Variants in ACAP2 observed in about 807,000 individuals in gnomAD.
ACAP2 encodes ArfGAP with coiled-coil, ankyrin repeat and PH domains 2.
ACAP2 carries 39 observed loss-of-function variants against 115.8 expected under a neutral mutation model. The ratio of observed to expected loss-of-function variants is 0.34; its 90% CI spans 0.26 to 0.44. The LOEUF (loss-of-function observed/expected upper bound fraction) is 0.44. ACAP2 is among the 20% of genes least tolerant of loss of function. The probability of loss-of-function intolerance (pLI) is 1.00; values close to 1 mark genes in which losing one functional copy is unlikely to be tolerated. For missense variants in ACAP2, 662 were observed against 927.6 expected, an observed-to-expected ratio of 0.71 and a Z score of 3.72; for synonymous variants, 289 against 315.8, an observed-to-expected ratio of 0.92 and a Z score of 0.90.
At chr3:195,378,790 G>A (rs1228320589) in intron 4 of ACAP2, among the ~76,000 whole-genome samples, 1 of 151,502 alleles carries the variant, frequency 6.6e-6, no homozygotes, top group African/African-American at 2.4e-5. Flanking sequence ...GAACCCGGGA[G>A]GCGGAGGCTG....
rs1299256120 is a variant in ACAP2 at position 195,300,023 on chromosome 3, CTTTCTTT to C, written c.1395+1545_1395+1551del. 2.1e-5 allele frequency among the ~76,000 whole-genome samples: 3 copies of C among 140,248 alleles called. No individual in the cohort carries two copies. The East Asian group carries it at 6.2e-4, about 29-fold the overall frequency. The allele number at this position is 140,248 out of a possible 152,430, so 92.0% of individuals were successfully genotyped here. ...ATGGGAATTAGTATCTACTTTCCGT[CTTTCTTT>C]TTTCTTTTTTTTTCTTTTTTTTTTT... On this transcript the variant is annotated intron_variant, in intron 15 of 22. Transcript: ENST00000326793.
At chr3:195,435,534 A>G (rs891477451) in intron 1 of ACAP2, among the ~76,000 whole-genome samples, 1 of 151,928 alleles carries the variant, frequency 6.6e-6, no homozygotes, top group African/African-American at 2.4e-5. Flanking sequence ...GCTGCATCCC[A>G]TAAGTTTGGC....
At chr3:195,311,058 C>G (rs937271617) in intron 10 of ACAP2, among the ~76,000 whole-genome samples, 2 of 149,760 alleles carry the variant, frequency 1.3e-5, no homozygotes, top group Non-Finnish European at 3.0e-5. Flanking sequence ...TAGAATAATC[C>G]TAGTTGTTAT....
At chr3:195,286,298 G>A (rs1172001272) in intron 21 of ACAP2, among the ~76,000 whole-genome samples, 1 of 152,138 alleles carries the variant, frequency 6.6e-6, no homozygotes, top group Non-Finnish European at 1.5e-5. Context: ...AGCATGTGTG[G>A]CCTCTAAACA....
Position 195,354,735 on chromosome 3 carries a change from C to T in ACAP2, c.286-9418G>A, listed in dbSNP as rs534635338. ...TTGCTCTTAGCAACTTCATCGTGAA[C>T]TCTTGGCCCATACATATATCCTGGA... On this transcript the variant is annotated intron_variant, in intron 4 of 22. Transcript: ENST00000326793. Among the ~76,000 whole-genome samples the T allele has an allele frequency of 2.6e-5, 4 of 152,308 alleles. No individual in the cohort carries two copies. The South Asian group carries it at 8.3e-4, about 32-fold the overall frequency.
intron 4 of ACAP2, among the ~76,000 whole-genome samples, chr3:195,378,068 GAGGGAGGAAGGGAGGA>G (rs1331250367): frequency 6.8e-6 from 1 of 146,230 alleles, no homozygotes; most frequent in African/African-American, 2.6e-5. Context: ...GGGAGGGAGG[GAGGGAGGAAGGGAGGA>G]AGGGAGGAGG....
chr3:195,422,547 G>A (rs1463649343), intron 1 of ACAP2, among the ~76,000 whole-genome samples: 3 of 151,936 alleles, frequency 2.0e-5, no homozygotes, highest in Non-Finnish European at 2.9e-5. Context: ...AGTGTGCGTC[G>A]ATCATAGCTC....
At chr3:195,304,704 T>C (rs1212678064) in intron 13 of ACAP2, among the ~76,000 whole-genome samples, 1 of 152,190 alleles carries the variant, frequency 6.6e-6, no homozygotes, top group Non-Finnish European at 1.5e-5. Flanking sequence ...CAATCCCTCA[T>C]AGCTATGCAG....
At chr3:195,334,185 C>T (rs1730354364) in intron 7 of ACAP2, among the ~76,000 whole-genome samples, 1 of 150,218 alleles carries the variant, frequency 6.7e-6, no homozygotes, top group East Asian at 1.9e-4. Context: ...GTCATAAAGT[C>T]CTTAATACTC....
intron 1 of ACAP2, chr3:195,411,082 CT>C: frequency 3.8e-6 from 1 of 260,096 alleles, no homozygotes; most frequent in Non-Finnish European, 7.8e-6. Flanking sequence ...CAGGAACAGA[CT>C]AAGAAGCCAT....
chr3:195,386,940 A>C (rs1183902900), intron 2 of ACAP2, among the ~76,000 whole-genome samples: 3 of 152,218 alleles, frequency 2.0e-5, no homozygotes, highest in Non-Finnish European at 4.4e-5. Flanking sequence ...TCAGCATTCC[A>C]GATTTCAAAG....
In ACAP2 at chr3:195,404,193, A is replaced by G. The variant is rs370694771; in HGVS notation, c.54-12046T>C. Among the ~76,000 whole-genome samples the G allele has an allele frequency of 3.0e-4, 46 of 152,262 alleles. 1 individual carries two copies. In the South Asian group the frequency reaches 9.1e-3, roughly 30 times the overall value. On this transcript the variant is annotated intron_variant, in intron 1 of 22. Coordinates refer to ENST00000326793, the MANE Select transcript of ACAP2 (RefSeq NM_012287.6). ...CACACATAAAATAAGAAGAAAACCA[A>G]GAGGGTGTCATAGAGAAGGGAAGTG...
At chr3:195,328,876 G>A (rs1388579673) in intron 8 of ACAP2, among the ~76,000 whole-genome samples, 4 of 152,162 alleles carry the variant, frequency 2.6e-5, no homozygotes, top group South Asian at 4.1e-4. Flanking sequence ...TCAGTAGATC[G>A]AGACCATCCT....
At chr3:195,405,722 T>C (rs1712714435) in intron 1 of ACAP2, among the ~76,000 whole-genome samples, 1 of 151,390 alleles carries the variant, frequency 6.6e-6, no homozygotes, top group Non-Finnish European at 1.5e-5. Context: ...GGGTAATTTA[T>C]AAAGAAAAGA....
chr3:195,405,702 A>G lies in ACAP2; in HGVS notation c.54-13555T>C, dbSNP rs1014456561. ...CTCCATCTCAAAAAAAAAAAAAAGT[A>G]TCTGAGACTGGGTAATTTATAAAGA... On this transcript the variant is annotated intron_variant, in intron 1 of 22. Transcript: ENST00000326793. Among the ~76,000 whole-genome samples the G allele has an allele frequency of 5.1e-4, 78 of 151,800 alleles. 2 individuals are homozygous for G. The highest frequency in any genetic ancestry group is 6.6e-5 in the Admixed American group (1 of 15,216).
Position 195,419,233 on chromosome 3 carries a change from T to C in ACAP2, c.53+23562A>G, listed in dbSNP as rs565369122. Reference sequence around the variant, plus strand: ...CATACCCATTAGCAGTCACTTCCCATTACCTCTTTCCCTGCGCCCAGCCCT... The same window carrying C: ...CATACCCATTAGCAGTCACTTCCCACTACCTCTTTCCCTGCGCCCAGCCCT... On this transcript the variant is annotated intron_variant, in intron 1 of 22. Transcript: ENST00000326793. Among the ~76,000 whole-genome samples the C allele has an allele frequency of 3.8e-4, 58 of 152,264 alleles. No individual in the cohort carries two copies. In the Middle Eastern group the frequency reaches 0.017, roughly 45 times the overall value.
Position 195,289,104 on chromosome 3 carries a change from A to G in ACAP2, c.2174+17T>C. 2.5e-6 allele frequency: 4 copies of G among 1,585,590 alleles called. No individual in the cohort carries two copies. Among genetic ancestry groups the G allele is most frequent in the African/African-American group, 1.4e-5 (1 of 73,926 alleles). ...ATTCACTGTATGGAAATAGTCAAGT[A>G]AAAAGGAAGTACTTACAAGGTGACT... On this transcript the variant is annotated intron_variant, in intron 21 of 22. Coordinates refer to ENST00000326793, the MANE Select transcript of ACAP2 (RefSeq NM_012287.6).
chr3:195,391,978 G>C lies in ACAP2; in HGVS notation c.111+112C>G, dbSNP rs574903405. The C allele has an allele frequency of 1.1e-5, 9 of 815,692 alleles. No individual in the cohort carries two copies. The East Asian group carries it at 2.6e-4, about 24-fold the overall frequency. 50.5% of individuals were successfully genotyped at this position (815,692 alleles called of 1,614,324 possible). A position where few individuals can be genotyped will look rare whatever the true frequency, so the allele number is the denominator to read the frequency against. ...CCACTGCACTTCAGCCTGGGCGACA[G>C]AGTGAGACTCTGTCTCCAAAAAATA... On this transcript the variant is annotated intron_variant, in intron 2 of 22. Transcript: ENST00000326793.
chr3:195,301,179 G>A lies in ACAP2; in HGVS notation c.1395+396C>T, dbSNP rs184346860. Among the ~76,000 whole-genome samples the A allele has an allele frequency of 5.5e-3, 829 of 151,612 alleles. 4 individuals carry two copies. Among genetic ancestry groups the A allele is most frequent in the Non-Finnish European group, 8.1e-3 (551 of 67,930 alleles). ...CGGCTCACTGCAAGCTCTGCCTCCC[G>A]GGTTCACGCCATTCTCCTGCCTCAG... On this transcript the variant is annotated intron_variant, in intron 15 of 22. Transcript: ENST00000326793.
Sources: gnomAD v4.1 joint callset for allele counts (sites outside exome capture counted in the v4.1 genomes callset) on GRCh38, gnomAD v4.1.1 for gene constraint, MANE v1.5 for transcripts, NCBI Gene and HGNC (gene_info 2026-07-23, HGNC 2026-07-21) for gene names.